Variants in C3orf49 observed in about 807,000 individuals in gnomAD.
The protein encoded by C3orf49 is putative uncharacterized protein C3orf49.
C3orf49 carries 27 observed loss-of-function variants against 13.3 expected under a neutral mutation model. The observed-to-expected ratio is 2.02, with a 90% CI of 1.49 to 2.79. The LOEUF is 2.79. C3orf49 is among the 30% of genes most tolerant of loss of function. The pLI, the probability that C3orf49 is intolerant of heterozygous loss-of-function variation, is 0.00. For synonymous variants in C3orf49, 87 were observed against 47.6 expected (o/e 1.83, Z -3.40); for missense variants, 242 against 134.2 (o/e 1.80, Z -3.97).
the C3orf49 span, among the ~76,000 whole-genome samples, chr3:63,781,687 G>C: frequency 6.6e-6 from 1 of 152,138 alleles, no homozygotes; most frequent in Non-Finnish European, 1.5e-5. Flanking sequence ...GCATTTGCTT[G>C]CTGTGTATTC....
At chr3:63,780,638 T>G in the C3orf49 span, among the ~76,000 whole-genome samples, 3 of 152,210 alleles carry the variant, frequency 2.0e-5, no homozygotes, top group Non-Finnish European at 4.4e-5. Context: ...TTTCTCCACA[T>G]CCTCTCCAGC....
rs530510946 is a variant in C3orf49 at position 63,823,278 on chromosome 3, C to G, written c.154C>G (p.Leu52Val). Residue 52 changes from leucine to valine, a missense_variant, in exon 2 of 7, where the codon CTA (leucine) becomes GTA (valine). Physicochemically the swap from Leu to Val is conservative, Grantham distance 32. Coordinates refer to ENST00000295896, the MANE Select transcript of C3orf49 (RefSeq NM_001355236.2). The stretch of plus-strand genomic sequence containing the variant: ...GCATAGAGCTGTGTCTACCAACTTA[C>G]TAAAACAAAATGTATTGGTCCCTAA... ...RWHRAVSTNL[L>V]KQNVLVPKEE... The G allele has an allele frequency of 7.7e-5, 54 of 702,796 alleles. No individual in the cohort carries two copies. In the African/African-American group the frequency reaches 8.2e-4, roughly 11 times the overall value. 43.5% of individuals were successfully genotyped at this position (702,796 alleles called of 1,614,324 possible). A position where few individuals can be genotyped will look rare whatever the true frequency, so the allele number is the denominator to read the frequency against.
the C3orf49 span, among the ~76,000 whole-genome samples, chr3:63,799,203 G>T: frequency 6.6e-6 from 1 of 152,152 alleles, no homozygotes; most frequent in Non-Finnish European, 1.5e-5. Context: ...TACAGAGAAA[G>T]CTGTGACCTT....
chr3:63,834,203 T>TA, intron 5 of C3orf49: 1 of 1,613,916 alleles, frequency 6.2e-7, no homozygotes, highest in Non-Finnish European at 8.5e-7. Flanking sequence ...TCATCATCTG[T>TA]AATTGAGAAG....
chr3:63,799,573 G>A, the C3orf49 span, among the ~76,000 whole-genome samples: 10 of 151,954 alleles, frequency 6.6e-5, no homozygotes, highest in Non-Finnish European at 8.8e-5. Flanking sequence ...TGCCATAACC[G>A]TTCCATATGG....
At chr3:63,844,647 T>A (rs570712630) in intron 5 of C3orf49, among the ~76,000 whole-genome samples, 5 of 152,302 alleles carry the variant, frequency 3.3e-5, no homozygotes, top group African/African-American at 9.6e-5. Flanking sequence ...AGGTTAGTAA[T>A]CTCGGAGTGA....
the C3orf49 span, among the ~76,000 whole-genome samples, chr3:63,792,215 A>C: frequency 6.6e-6 from 1 of 152,246 alleles, no homozygotes; most frequent in Non-Finnish European, 1.5e-5. Flanking sequence ...TGCAACTATG[A>C]AGTAAACAAC....
At chr3:63,847,141 T>C (rs1701916511) in intron 6 of C3orf49, among the ~76,000 whole-genome samples, 1 of 151,958 alleles carries the variant, frequency 6.6e-6, no homozygotes, top group South Asian at 2.1e-4. Flanking sequence ...AAAGGACTGC[T>C]AAAAAAAATT....
chr3:63,787,105 G>A, the C3orf49 span: 2 of 152,188 alleles, frequency 1.3e-5, no homozygotes, highest in African/African-American at 4.8e-5. Flanking sequence ...AGAAATGAGT[G>A]ACCTTTTAAT....
At chr3:63,818,081 C>G (rs772552098), upstream of C3orf49, among the ~76,000 whole-genome samples, 13 of 152,118 alleles carry the variant, frequency 8.5e-5, no homozygotes, top group Non-Finnish European at 1.8e-4. Context: ...TAGATATGCT[C>G]TACTTCAGCG....
the C3orf49 span, among the ~76,000 whole-genome samples, chr3:63,809,582 C>G: frequency 6.6e-6 from 1 of 152,162 alleles, no homozygotes; most frequent in South Asian, 2.1e-4. Flanking sequence ...AGGCCAAACT[C>G]CCACAACTGC....
intron 5 of C3orf49, chr3:63,836,367 C>T (rs766582899): frequency 6.2e-7 from 1 of 1,611,076 alleles, no homozygotes; most frequent in Non-Finnish European, 8.5e-7. Context: ...TTCTGTAAGA[C>T]ATAAAAATAT....
the C3orf49 span, among the ~76,000 whole-genome samples, chr3:63,791,247 G>T: frequency 6.6e-6 from 1 of 152,204 alleles, no homozygotes; most frequent in Non-Finnish European, 1.5e-5. Context: ...AACTTCCTTT[G>T]TTGGAGAAGG....
chr3:63,794,172 T>TACACACACAC, the C3orf49 span, among the ~76,000 whole-genome samples: 343 of 142,692 alleles, frequency 2.4e-3, 2 homozygotes, highest in African/African-American at 6.9e-3. Context: ...TACACACACA[T>TACACACACAC]ACACACACAC....
rs1016787884 is a variant in C3orf49 at position 63,831,722 on chromosome 3, C to G, written c.727C>G (p.Leu243Val). The G allele has an allele frequency of 5.7e-5, 40 of 702,986 alleles. No homozygotes were observed. The African/African-American group carries it at 6.8e-4, about 12-fold the overall frequency. The allele number at this position is 702,986 out of a possible 1,614,324, so 43.5% of individuals were successfully genotyped here. A position where few individuals can be genotyped will look rare whatever the true frequency, so the allele number is the denominator to read the frequency against. Residue 243 changes from leucine to valine, a missense_variant, in exon 5 of 7, where the codon CTA (leucine) becomes GTA (valine). Transcript: ENST00000295896. ...IETVTDKSMK[L>V]LAQRHAELQQ... ...AACAGTGACTGATAAATCCATGAAG[C>G]TACTGGCCCAAAGACATGCTGAGCT...
At chr3:63,798,856 T>G in the C3orf49 span, among the ~76,000 whole-genome samples, 1 of 152,242 alleles carries the variant, frequency 6.6e-6, no homozygotes, top group East Asian at 1.9e-4. Flanking sequence ...TTCTCTTCTG[T>G]GAAAAGTGTA....
the C3orf49 span, among the ~76,000 whole-genome samples, chr3:63,809,212 T>A: frequency 2.6e-5 from 4 of 152,222 alleles, no homozygotes. Context: ...TTATTTTTGC[T>A]CATTGACTTT....
the C3orf49 span, among the ~76,000 whole-genome samples, chr3:63,813,615 C>T: frequency 6.6e-6 from 1 of 152,206 alleles, no homozygotes; most frequent in Non-Finnish European, 1.5e-5. Flanking sequence ...CACTTTACTC[C>T]AGCTGCACCT....
chr3:63,846,273 G>A, intron 6 of C3orf49: 2 of 436,410 alleles, frequency 4.6e-6, no homozygotes, highest in Non-Finnish European at 4.6e-6. Flanking sequence ...AAAATCAGGA[G>A]ATAATCCCCA....
Sources: gnomAD v4.1 joint callset for allele counts (sites outside exome capture counted in the v4.1 genomes callset) on GRCh38, gnomAD v4.1.1 for gene constraint, MANE v1.5 for transcripts, NCBI Gene and HGNC (gene_info 2026-07-23, HGNC 2026-07-21) for gene names.